The following BRI3 variants were observed in gnomAD, a reference collection of about 807,000 sequenced individuals.
The protein encoded by BRI3 is brain protein I3.
Under a neutral mutation model 12.8 loss-of-function variants are expected in BRI3, and 6 were observed. The observed-to-expected ratio is 0.47, with a 90% CI of 0.26 to 0.93. The LOEUF is 0.93. Among genes scored for constraint, BRI3 ranks in the 40% least tolerant of loss-of-function variants. The probability of loss-of-function intolerance (pLI) is 0.15; values close to 1 mark genes in which losing one functional copy is unlikely to be tolerated. For synonymous variants in BRI3, 91 were observed against 76.1 expected, an observed-to-expected ratio of 1.20 and a Z score of -1.02; for missense variants, 134 against 171.1, an observed-to-expected ratio of 0.78 and a Z score of 1.21.
At chr7:98,303,451 C>A (rs888404702), upstream of BRI3, among the ~76,000 whole-genome samples, 1 of 152,220 alleles carries the variant, frequency 6.6e-6, no homozygotes, top group African/African-American at 2.4e-5. Context: ...GATGTCCAGC[C>A]GCGCTGCTCC....
At position 98,281,965 on chromosome 7, in the gene BRI3, G is replaced by A. The variant is rs993345459; in HGVS notation, c.142+28G>A. 2.3e-5 allele frequency: 29 copies of A among 1,281,808 alleles called. No individual in the cohort carries two copies. In the African/African-American group the frequency reaches 4.5e-4, roughly 20 times the overall value. 79.4% of individuals were successfully genotyped at this position (1,281,808 alleles called of 1,614,324 possible). On this transcript the variant is annotated intron_variant, in intron 1 of 2. Coordinates refer to ENST00000297290, the MANE Select transcript of BRI3 (RefSeq NM_015379.5). The stretch of plus-strand genomic sequence containing the variant: ...GGGCCCGTAACCAACTTTCCCCGCC[G>A]GCGGCTTCCGAGGTGGCAAGCCCGG...
chr7:98,300,054 T>C (rs187371416), intron 1 of BRI3, among the ~76,000 whole-genome samples: 31 of 152,172 alleles, frequency 2.0e-4, no homozygotes, highest in African/African-American at 5.5e-4. Context: ...AATAAATAAA[T>C]AAACAAACAA....
In BRI3 at chr7:98,291,344, A is replaced by G; in HGVS notation, c.*101A>G. 10 of 1,548,300 alleles carry G rather than the reference A, an allele frequency of 6.5e-6. No individual in the cohort carries two copies. The highest frequency in any genetic ancestry group is 1.2e-5 in the South Asian group (1 of 80,656). Reference sequence around the variant, plus strand: ...TGATTAAGCTTCAGGACTGTTTTGTAAAGCGAGGTGGGACCGATGTGGCAC... The same window carrying G: ...TGATTAAGCTTCAGGACTGTTTTGTGAAGCGAGGTGGGACCGATGTGGCAC... On this transcript the variant is annotated 3_prime_UTR_variant, in exon 3 of 3. Coordinates refer to ENST00000297290, the MANE Select transcript of BRI3 (RefSeq NM_015379.5).
chr7:98,315,134 CTGAT>C (rs1159792634), downstream of BRI3, among the ~76,000 whole-genome samples: 2 of 149,514 alleles, frequency 1.3e-5, no homozygotes, highest in African/African-American at 2.6e-5. Flanking sequence ...TACGTATGGA[CTGAT>C]TGAGACAGGG....
chr7:98,317,418 C>T, the BRI3 span: 1 of 1,589,662 alleles, frequency 6.3e-7, no homozygotes, highest in Non-Finnish European at 8.6e-7. Context: ...ACACAGTTTG[C>T]CTTTACTCAC....
downstream of BRI3, chr7:98,294,154 T>A: frequency 6.2e-7 from 1 of 1,601,486 alleles, no homozygotes; most frequent in Middle Eastern, 1.7e-4. Context: ...TTAGAATTGG[T>A]CTTTTAAAAA....
chr7:98,284,815 A>G (rs1049594115), intron 2 of BRI3, among the ~76,000 whole-genome samples: 1 of 152,044 alleles, frequency 6.6e-6, no homozygotes, highest in Non-Finnish European at 1.5e-5. Flanking sequence ...GGCGGCGGAT[A>G]TGTCCCTGCT....
rs140237370 is a variant in BRI3 at position 98,291,123 on chromosome 7, G to A, written c.258G>A (p.Leu86=). ...GTCTCTGCTGCAGGGTTGGGGTGCTGGAGGACTGCTTCACCTTCCTGGGCA... is the reference window on the plus strand; with the variant it reads ...GTCTCTGCTGCAGGGTTGGGGTGCTAGAGGACTGCTTCACCTTCCTGGGCA... The part of the protein sequence containing the change: ...GGCPVCRVGV[L]EDCFTFLGIF... The change falls in exon 3 of 3, where the codon CTG becomes CTA. Residue 86 remains leucine (L), a synonymous_variant. Coordinates refer to ENST00000297290, the MANE Select transcript of BRI3 (RefSeq NM_015379.5). 65 of 1,614,048 alleles carry A rather than the reference G, an allele frequency of 4.0e-5. No individual in the cohort carries two copies. Among genetic ancestry groups the A allele is most frequent in the South Asian group, 2.6e-4 (24 of 91,090 alleles).
At chr7:98,312,175 G>T (rs369077499), downstream of BRI3, 2 of 1,613,978 alleles carry the variant, frequency 1.2e-6, no homozygotes, top group South Asian at 2.2e-5. Flanking sequence ...TTATTTCTTC[G>T]ATCATATTCA....
chr7:98,319,379 G>A, the BRI3 span, among the ~76,000 whole-genome samples: 8 of 152,236 alleles, frequency 5.3e-5, no homozygotes, highest in South Asian at 8.3e-4. Context: ...AGCCCCGGAC[G>A]GTGCTCTCCC....
exon 2 of BRI3, chr7:98,308,893 G>C (rs1224620826): frequency 6.6e-6 from 1 of 152,326 alleles, no homozygotes; most frequent in Non-Finnish European, 1.5e-5. Flanking sequence ...TGCCCAGCCT[G>C]GTCTTGACCT....
chr7:98,312,763 T>G (rs202190069), downstream of BRI3, among the ~76,000 whole-genome samples: 4 of 143,474 alleles, frequency 2.8e-5, no homozygotes, highest in Non-Finnish European at 6.2e-5. Flanking sequence ...AGGGACTGGG[T>G]GAGTGGTGGG....
downstream of BRI3, chr7:98,315,406 T>G: frequency 7.5e-7 from 1 of 1,329,326 alleles, no homozygotes; most frequent in Non-Finnish European, 9.7e-7. Context: ...CTGGGGCATT[T>G]AAATATGAAA....
chr7:98,318,020 G>A, the BRI3 span, among the ~76,000 whole-genome samples: 3 of 151,266 alleles, frequency 2.0e-5, no homozygotes, highest in African/African-American at 7.3e-5. Context: ...CTGCATGATG[G>A]CTGGGACCCT....
At chr7:98,294,523 G>A (rs942384622), downstream of BRI3, among the ~76,000 whole-genome samples, 1 of 152,170 alleles carries the variant, frequency 6.6e-6, no homozygotes, top group Non-Finnish European at 1.5e-5. Flanking sequence ...ACATGTGAAC[G>A]AGCCGCCTGC....
intron 2 of BRI3, among the ~76,000 whole-genome samples, chr7:98,290,664 G>T (rs1047921810): frequency 1.1e-4 from 16 of 151,682 alleles, no homozygotes; most frequent in African/African-American, 3.9e-4. Context: ...ACGCCTGGCA[G>T]ATTTTTGTAT....
At position 98,291,526 on chromosome 7, in the gene BRI3, T is replaced by A; in HGVS notation, c.*283T>A. 1 of 1,209,138 alleles carries A rather than the reference T, an allele frequency of 8.3e-7. No homozygotes were observed. Among genetic ancestry groups the A allele is most frequent in the Non-Finnish European group, 1.0e-6 (1 of 965,248 alleles). 74.9% of individuals were successfully genotyped at this position (1,209,138 alleles called of 1,614,324 possible). ...TCAATAAATGAGATTCATACCATTG[T>A]TGACCTGGTGCTGCTTACTCGGTGC... On this transcript the variant is annotated 3_prime_UTR_variant, in exon 3 of 3. Coordinates refer to ENST00000297290, the MANE Select transcript of BRI3 (RefSeq NM_015379.5).
At chr7:98,296,663 G>A (rs564184483), downstream of BRI3, among the ~76,000 whole-genome samples, 1 of 152,240 alleles carries the variant, frequency 6.6e-6, no homozygotes, top group East Asian at 1.9e-4. Flanking sequence ...AACAAAAACA[G>A]AAACAACAAA....
At chr7:98,305,729 C>A (rs146091296), upstream of BRI3, among the ~76,000 whole-genome samples, 101 of 152,292 alleles carry the variant, frequency 6.6e-4, no homozygotes, top group East Asian at 0.019. Context: ...GGCCAGTTTC[C>A]TCATTTTTTA....
Sources: gnomAD v4.1 joint callset for allele counts (sites outside exome capture counted in the v4.1 genomes callset) on GRCh38, gnomAD v4.1.1 for gene constraint, MANE v1.5 for transcripts, NCBI Gene and HGNC (gene_info 2026-07-23, HGNC 2026-07-21) for gene names.